The following AAK1 variants were observed in gnomAD, a reference collection of about 807,000 sequenced individuals.
AAK1 encodes AP2-associated protein kinase 1.
A neutral mutation model predicts 116.0 loss-of-function variants in AAK1; 37 were observed. That is an observed-to-expected ratio of 0.32 (90% CI 0.25 to 0.42). The LOEUF (loss-of-function observed/expected upper bound fraction) is 0.42, where lower values mean the gene tolerates loss of function less well. Among genes scored for constraint, AAK1 ranks in the 10% least tolerant of loss-of-function variants. The pLI is 1.00. For synonymous variants in AAK1, 458 were observed against 439.9 expected, an observed-to-expected ratio of 1.04 and a Z score of -0.51; for missense variants, 919 against 1,170.6, an observed-to-expected ratio of 0.79 and a Z score of 3.14.
Position 69,473,259 on chromosome 2 carries a change from C to A in AAK1, c.*2610G>T. 3.1e-6 allele frequency: 3 copies of A among 962,900 alleles called. No homozygotes were observed. The highest frequency in any genetic ancestry group is 3.7e-6 in the Non-Finnish European group (3 of 809,336). 59.6% of individuals were successfully genotyped at this position (962,900 alleles called of 1,614,324 possible). On this transcript the variant is annotated 3_prime_UTR_variant, in exon 22 of 22. Transcript: ENST00000409085. ...TGTTCAATCCAGCTCAGGTCCCACA[C>A]CTGTAAAATGAAGAGGATGGTGGAC...
chr2:69,552,374 C>T (rs1671217922), intron 3 of AAK1, among the ~76,000 whole-genome samples: 1 of 151,954 alleles, frequency 6.6e-6, no homozygotes, highest in African/African-American at 2.4e-5. Context: ...ATTAGATATC[C>T]ATAAGGAAAA....
chr2:69,564,326 C>T (rs145406791), intron 2 of AAK1, among the ~76,000 whole-genome samples: 2 of 152,246 alleles, frequency 1.3e-5, no homozygotes, highest in African/African-American at 2.4e-5. Flanking sequence ...AACTGACCTC[C>T]CTCCCTTACA....
intron 17 of AAK1, among the ~76,000 whole-genome samples, 184 bp downstream of exon 17, chr2:69,495,801 G>A (rs1052997305): frequency 6.6e-6 from 1 of 152,062 alleles, no homozygotes; most frequent in African/African-American, 2.4e-5. Flanking sequence ...CTTTGCTAAG[G>A]GCTGGTACCC....
intron 2 of AAK1, among the ~76,000 whole-genome samples, chr2:69,605,950 A>T (rs909268820): frequency 3.3e-5 from 5 of 152,204 alleles, no homozygotes; most frequent in Non-Finnish European, 4.4e-5. Flanking sequence ...GATGTGATCC[A>T]GAGCTACTGT....
At position 69,466,444 on chromosome 2, in the gene AAK1, CA is replaced by C; in HGVS notation, c.*9424del. On this transcript the variant is annotated 3_prime_UTR_variant, in exon 22 of 22. Coordinates refer to ENST00000409085, the MANE Select transcript of AAK1 (RefSeq NM_014911.5). ...TCTAAGTTGTTCTGAGTCTTTGTGC[CA>C]GGTACTCTGGAGGGGTCTGGATACA... The C allele has an allele frequency of 7.8e-7, 1 of 1,289,422 alleles. No homozygotes were observed. 79.9% of individuals were successfully genotyped at this position (1,289,422 alleles called of 1,614,324 possible).
chr2:69,614,414 T>C (rs1382221006), intron 2 of AAK1, among the ~76,000 whole-genome samples: 1 of 152,114 alleles, frequency 6.6e-6, no homozygotes, highest in Non-Finnish European at 1.5e-5. Context: ...GTCAGGCCAT[T>C]CCAGTCCTGC....
Position 69,475,795 on chromosome 2 carries a change from T to G in AAK1, c.*74A>C. The G allele has an allele frequency of 1.3e-6, 2 of 1,505,486 alleles. No individual in the cohort carries two copies. Among genetic ancestry groups the G allele is most frequent in the East Asian group, 2.5e-5 (1 of 40,414 alleles). The allele number at this position is 1,505,486 out of a possible 1,614,324, so 93.3% of individuals were successfully genotyped here. On this transcript the variant is annotated 3_prime_UTR_variant, in exon 22 of 22. Coordinates refer to ENST00000409085, the MANE Select transcript of AAK1 (RefSeq NM_014911.5). ...GCAGATTTTTTTAAAAAAATCATTT[T>G]TTTCATAACTCCGTAATGAAAATGT...
At chr2:69,498,232 A>T (rs1037988387) in intron 16 of AAK1, among the ~76,000 whole-genome samples, 1 of 152,036 alleles carries the variant, frequency 6.6e-6, no homozygotes, top group Non-Finnish European at 1.5e-5. Flanking sequence ...TCTTGGCCTC[A>T]GTGTTCTGTC....
chr2:69,537,439 C>T (rs1010493192), intron 5 of AAK1, among the ~76,000 whole-genome samples: 5 of 152,204 alleles, frequency 3.3e-5, no homozygotes, highest in African/African-American at 4.8e-5. Context: ...AACCAGCAGA[C>T]CCACAGGCAG....
At chr2:69,610,691 T>C (rs1368365763) in intron 2 of AAK1, among the ~76,000 whole-genome samples, 1 of 152,178 alleles carries the variant, frequency 6.6e-6, no homozygotes, top group Non-Finnish European at 1.5e-5. Flanking sequence ...AACAATGGAC[T>C]ATTAATAGAC....
At chr2:69,579,125 T>C (rs896847801) in intron 2 of AAK1, among the ~76,000 whole-genome samples, 5 of 152,154 alleles carry the variant, frequency 3.3e-5, no homozygotes, top group Non-Finnish European at 7.4e-5. Flanking sequence ...ATTCTCTCAC[T>C]CTCTCCACAT....
intron 2 of AAK1, among the ~76,000 whole-genome samples, chr2:69,640,081 C>T (rs10202953): frequency 0.034 from 4,101 of 120,476 alleles, 183 homozygotes; most frequent in East Asian, 0.15. Context: ...TCTCTCTCTC[C>T]CCCCCCACAT....
chr2:69,545,258 C>G (rs1041012806), intron 3 of AAK1, among the ~76,000 whole-genome samples: 2 of 152,138 alleles, frequency 1.3e-5, no homozygotes, highest in Admixed American at 1.3e-4. Flanking sequence ...CATCTAGGAA[C>G]TGGAAGTGGC....
chr2:69,605,545 A>G, intron 2 of AAK1, among the ~76,000 whole-genome samples: 1 of 152,176 alleles, frequency 6.6e-6, no homozygotes, highest in East Asian at 1.9e-4. Context: ...TGACATAACT[A>G]TGGTACAACG....
chr2:69,631,912 G>A (rs142202496), intron 2 of AAK1, among the ~76,000 whole-genome samples: 11 of 152,220 alleles, frequency 7.2e-5, no homozygotes, highest in East Asian at 1.9e-4. Context: ...CCCGGGAGGC[G>A]GAGGTTGCAG....
At chr2:69,583,885 A>C (rs903924076) in intron 2 of AAK1, among the ~76,000 whole-genome samples, 5 of 152,194 alleles carry the variant, frequency 3.3e-5, no homozygotes, top group Admixed American at 1.3e-4. Flanking sequence ...TGTCCACTTA[A>C]AAAAATAAAG....
intron 1 of AAK1, 113 bp from the exon 2 acceptor site, chr2:69,643,387 T>G: frequency 8.5e-7 from 1 of 1,181,376 alleles, no homozygotes; most frequent in Non-Finnish European, 1.1e-6. Flanking sequence ...TTCATGTATT[T>G]TCCCGGCGAG....
chr2:69,523,589 A>T (rs188464529), intron 10 of AAK1, among the ~76,000 whole-genome samples: 122 of 152,228 alleles, frequency 8.0e-4, no homozygotes, highest in African/African-American at 2.8e-3. Context: ...AGGAGTATAA[A>T]TATCTCCTGC....
intron 13 of AAK1, among the ~76,000 whole-genome samples, chr2:69,512,673 C>T (rs1323506078): frequency 6.6e-6 from 1 of 152,230 alleles, no homozygotes; most frequent in Non-Finnish European, 1.5e-5. Flanking sequence ...CTCTATGGCT[C>T]CTGGCCAAAG....
Sources: gnomAD v4.1 joint callset for allele counts (sites outside exome capture counted in the v4.1 genomes callset) on GRCh38, gnomAD v4.1.1 for gene constraint, MANE v1.5 for transcripts, NCBI Gene and HGNC (gene_info 2026-07-23, HGNC 2026-07-21) for gene names.